RTN4RL1: variants seen among roughly 807,000 people sequenced by gnomAD.
RTN4RL1 encodes the protein reticulon-4 receptor-like 1.
A neutral mutation model predicts 25.6 loss-of-function variants in RTN4RL1; 7 were observed. The ratio of observed to expected loss-of-function variants is 0.27; its 90% CI spans 0.16 to 0.51. The LOEUF is 0.51. Among genes scored for constraint, RTN4RL1 ranks in the 20% least tolerant of loss-of-function variants. The pLI is 0.97. For missense variants in RTN4RL1, 500 were observed against 615.6 expected (o/e 0.81, Z 1.99); for synonymous variants, 297 against 288.2 (o/e 1.03, Z -0.31).
chr17:1,972,123 C>T (rs2066823082), intron 1 of RTN4RL1, among the ~76,000 whole-genome samples: 1 of 150,988 alleles, frequency 6.6e-6, no homozygotes, highest in South Asian at 2.1e-4. Context: ...GGCAACAGAG[C>T]AAGATGCTGT....
chr17:1,985,630 T>C (rs1469701350), intron 1 of RTN4RL1, among the ~76,000 whole-genome samples: 1 of 152,234 alleles, frequency 6.6e-6, no homozygotes, highest in Non-Finnish European at 1.5e-5. Context: ...TCTTGGAATT[T>C]ACAAGTAGTT....
intron 1 of RTN4RL1, among the ~76,000 whole-genome samples, chr17:1,950,846 C>CAAAA (rs61660812): frequency 1.1e-4 from 2 of 17,798 alleles, no homozygotes; most frequent in East Asian, 2.3e-3. Flanking sequence ...ACACAGTCTC[C>CAAAA]AAAAAAAAAA....
chr17:2,025,161 G>A lies in RTN4RL1; in HGVS notation c.-296C>T. 3.5e-6 allele frequency: 1 copy of A among 289,144 alleles called. No homozygotes were observed. The highest frequency in any genetic ancestry group is 6.4e-6 in the Non-Finnish European group (1 of 156,106). The allele number at this position is 289,144 out of a possible 1,614,324, so 17.9% of individuals were successfully genotyped here. ...GCCGGCGGCCTGCTTCTGCCACCCG[G>A]AGCACTTCGCAGGCGGTTTTGAGGG... On this transcript the variant is annotated 5_prime_UTR_variant, in exon 1 of 2. Coordinates refer to ENST00000331238, the MANE Select transcript of RTN4RL1 (RefSeq NM_178568.4). This position sits in a 1 kb window ranked among gnomAD's most constrained non-coding sequence, Gnocchi z 4.8.
chr17:1,966,265 G>C (rs1165607158), intron 1 of RTN4RL1, among the ~76,000 whole-genome samples: 1 of 152,204 alleles, frequency 6.6e-6, no homozygotes, highest in East Asian at 1.9e-4. Context: ...GGTCCAAATG[G>C]GGATGTTTCA....
chr17:1,973,971 G>A (rs912006213), intron 1 of RTN4RL1, among the ~76,000 whole-genome samples: 25 of 150,828 alleles, frequency 1.7e-4, no homozygotes, highest in African/African-American at 5.4e-4. Flanking sequence ...CCCATGAAGC[G>A]GAGATTGCAG....
At chr17:1,949,081 A>C (rs532241545) in intron 1 of RTN4RL1, among the ~76,000 whole-genome samples, 3 of 151,262 alleles carry the variant, frequency 2.0e-5, no homozygotes, top group Admixed American at 6.6e-5. Flanking sequence ...CTCAGCCTCC[A>C]GAGTAGCTGG....
chr17:1,942,730 C>T (rs879924590), intron 1 of RTN4RL1, among the ~76,000 whole-genome samples: 4 of 152,020 alleles, frequency 2.6e-5, no homozygotes, highest in Non-Finnish European at 5.9e-5. Context: ...GCAGCTCAGG[C>T]GGGTGGCCTG....
chr17:1,936,169 C>A lies in RTN4RL1; in HGVS notation c.*327G>T. On this transcript the variant is annotated 3_prime_UTR_variant, in exon 2 of 2. Transcript: ENST00000331238. ...TCGGGATTCCACAGAGCCCCGGTGCCGCCGTCGGGGGCAATTGTCCCACTG... is the reference window on the plus strand; with the variant it reads ...TCGGGATTCCACAGAGCCCCGGTGCAGCCGTCGGGGGCAATTGTCCCACTG... 1.7e-6 allele frequency: 2 copies of A among 1,143,522 alleles called. No individual in the cohort carries two copies. The highest frequency in any genetic ancestry group is 2.2e-6 in the Non-Finnish European group (2 of 929,400). 70.8% of individuals were successfully genotyped at this position (1,143,522 alleles called of 1,614,324 possible).
intron 1 of RTN4RL1, among the ~76,000 whole-genome samples, chr17:1,960,510 C>A (rs9894201): frequency 6.6e-6 from 1 of 152,088 alleles, no homozygotes; most frequent in Non-Finnish European, 1.5e-5. Flanking sequence ...TAGACCACAG[C>A]GAGCTCATTC....
At chr17:1,987,628 G>C (rs1184445409) in intron 1 of RTN4RL1, among the ~76,000 whole-genome samples, 3 of 151,960 alleles carry the variant, frequency 2.0e-5, no homozygotes. Flanking sequence ...CCATTTCCAA[G>C]GGTCCTTCTA....
At chr17:1,941,046 T>C (rs1915428449) in intron 1 of RTN4RL1, among the ~76,000 whole-genome samples, 1 of 152,200 alleles carries the variant, frequency 6.6e-6, no homozygotes, top group African/African-American at 2.4e-5. Flanking sequence ...CACAGCTTAC[T>C]GGAGTTTACA....
rs567995491 is a variant in RTN4RL1, at chr17:2,009,409, A to G, written c.13+15444T>C. 3.1e-5 allele frequency among the ~76,000 whole-genome samples: 4 copies of G among 131,122 alleles called. 1 individual carries two copies. The South Asian group carries it at 1.1e-3, about 35-fold the overall frequency. 86.0% of individuals were successfully genotyped at this position (131,122 alleles called of 152,430 possible). On this transcript the variant is annotated intron_variant, in intron 1 of 1. Coordinates refer to ENST00000331238, the MANE Select transcript of RTN4RL1 (RefSeq NM_178568.4). ...GGAGTTTGAGACCAGCCTGGCCAAC[A>G]TGGTGAATCCCATCTCTACTAAAAA...
In RTN4RL1 at chr17:1,964,018, G is replaced by A. The variant is rs558758217; in HGVS notation, c.14-26210C>T. Among the ~76,000 whole-genome samples, 5 of 152,224 alleles carry A rather than the reference G, an allele frequency of 3.3e-5. No individual in the cohort carries two copies. The East Asian group carries it at 9.7e-4, about 29-fold the overall frequency. On this transcript the variant is annotated intron_variant, in intron 1 of 1. Coordinates refer to ENST00000331238, the MANE Select transcript of RTN4RL1 (RefSeq NM_178568.4). Reference sequence around the variant, plus strand: ...CTGGATTACAGGCGTGAGCCACCGCGCCGGGCCTGCCCTTGGGAGTTCTAA... The same window carrying A: ...CTGGATTACAGGCGTGAGCCACCGCACCGGGCCTGCCCTTGGGAGTTCTAA...
chr17:1,971,818 C>T (rs1278353921), intron 1 of RTN4RL1, among the ~76,000 whole-genome samples: 3 of 151,886 alleles, frequency 2.0e-5, no homozygotes, highest in Non-Finnish European at 4.4e-5. Context: ...AAACATTAGC[C>T]AGGTGTGGTG....
At chr17:1,947,336 T>A (rs1915578179) in intron 1 of RTN4RL1, among the ~76,000 whole-genome samples, 1 of 152,194 alleles carries the variant, frequency 6.6e-6, no homozygotes, top group African/African-American at 2.4e-5. Flanking sequence ...CAGAAACACA[T>A]GCCTGTCTCG....
At chr17:1,977,809 G>A (rs920944114) in intron 1 of RTN4RL1, among the ~76,000 whole-genome samples, 2 of 152,112 alleles carry the variant, frequency 1.3e-5, no homozygotes, top group African/African-American at 2.4e-5. Flanking sequence ...GTGATAGGGC[G>A]AGCGGCGCTC....
intron 1 of RTN4RL1, among the ~76,000 whole-genome samples, chr17:2,017,168 C>G (rs1242526014): frequency 2.6e-5 from 4 of 152,124 alleles, no homozygotes; most frequent in South Asian, 2.1e-4. Context: ...GTCCTGGTGC[C>G]CAGAAAGAGA....
Position 1,937,553 on chromosome 17 carries a change from T to G in RTN4RL1, c.269A>C (p.Tyr90Ser), listed in dbSNP as rs747383114. Residue 90 changes from tyrosine to serine, a missense_variant, in exon 2 of 2, where the codon TAC becomes TCC. Around this residue, in one of 2 missense-constraint regions of RTN4RL1, gnomAD observed 232 missense variants for 341.1 expected, o/e 0.68. Transcript: ENST00000331238. ...TLWIYSNNIT[Y>S]IHPSTFEGFV... ...GCCCTCGAAGGTGCTGGGGTGGATG[T>G]AGGTGATGTTGTTCGAGTAGATCCA... The G allele has an allele frequency of 1.5e-5, 25 of 1,613,764 alleles. No homozygotes were observed. The South Asian group carries it at 2.7e-4, about 18-fold the overall frequency.
chr17:2,007,521 G>A lies in RTN4RL1; in HGVS notation c.13+17332C>T, dbSNP rs1177349030. On this transcript the variant is annotated intron_variant, in intron 1 of 1. Transcript: ENST00000331238. ...CCTTGGCCTCTCATTCTGCTCCCCT[G>A]CCTCTGCTCAGAAACTCACAAAGTG... Among the ~76,000 whole-genome samples, 3 of 152,098 alleles carry A rather than the reference G, an allele frequency of 2.0e-5. No homozygotes were observed. In the South Asian group the frequency reaches 6.2e-4, roughly 32 times the overall value.
Sources: gnomAD v4.1 joint callset for allele counts (sites outside exome capture counted in the v4.1 genomes callset) on GRCh38, gnomAD v4.1.1 for gene constraint, gnomAD v4.1.1 regional missense constraint, Gnocchi (gnomAD v3.1) non-coding constraint, MANE v1.5 for transcripts, NCBI Gene and HGNC (gene_info 2026-07-23, HGNC 2026-07-21) for gene names.